The following KDM7A variants were observed in gnomAD, a reference collection of about 807,000 sequenced individuals.
KDM7A encodes lysine-specific demethylase 7A.
In KDM7A, 28 loss-of-function variants were observed where a neutral mutation model predicts 114.8. That is an observed-to-expected ratio of 0.24 (90% CI 0.18 to 0.33). The LOEUF is 0.33. KDM7A is among the 10% of genes least tolerant of loss of function. KDM7A has a pLI of 1.00. For missense variants in KDM7A, 942 were observed against 1,142.5 expected (o/e 0.82, Z 2.53); for synonymous variants, 423 against 397.8 (o/e 1.06, Z -0.75).
At chr7:140,130,827 C>T (rs17133484) in intron 3 of KDM7A, among the ~76,000 whole-genome samples, 3,067 of 148,542 alleles carry the variant, frequency 0.021, 112 homozygotes, top group African/African-American at 0.074. Flanking sequence ...TTAAATGACC[C>T]GTTACAACCA....
intron 1 of KDM7A, among the ~76,000 whole-genome samples, chr7:140,159,026 TTTTG>T (rs967101713): frequency 4.2e-4 from 64 of 152,286 alleles, no homozygotes; most frequent in African/African-American, 1.2e-3. Context: ...GAAAAGGGTT[TTTTG>T]TTTGTTTGTT....
chr7:140,103,734 A>C (rs1341052827), intron 11 of KDM7A, among the ~76,000 whole-genome samples: 8 of 152,168 alleles, frequency 5.3e-5, no homozygotes, highest in Admixed American at 1.3e-4. Context: ...GGTTGGTTCC[A>C]AGTCTTTGCT....
At chr7:140,161,699 C>T (rs1056069123) in intron 1 of KDM7A, among the ~76,000 whole-genome samples, 4 of 151,980 alleles carry the variant, frequency 2.6e-5, no homozygotes, top group African/African-American at 9.7e-5. Flanking sequence ...CGTGTGCCAC[C>T]ACGCCCAGCT....
At chr7:140,175,370 G>A (rs571103870) in intron 1 of KDM7A, among the ~76,000 whole-genome samples, 4 of 150,576 alleles carry the variant, frequency 2.7e-5, no homozygotes, top group Admixed American at 6.6e-5. Context: ...AATTGGGGAG[G>A]GGGGGAGCGG....
chr7:140,142,497 A>C (rs1442858303), intron 1 of KDM7A, among the ~76,000 whole-genome samples: 1 of 152,196 alleles, frequency 6.6e-6, no homozygotes, highest in African/African-American at 2.4e-5. Flanking sequence ...AAGTGGTTGA[A>C]TCACACATAA....
Position 140,088,217 on chromosome 7 carries a change from C to G in KDM7A, c.*2877G>C, listed in dbSNP as rs1474710063. On this transcript the variant is annotated 3_prime_UTR_variant, in exon 20 of 20. Coordinates refer to ENST00000397560, the MANE Select transcript of KDM7A (RefSeq NM_030647.2). ...GATACTTATGAAGTTCAATGTATTT[C>G]TAGGATACTGAACTACTACAAACTG... The G allele has an allele frequency of 3.3e-6, 1 of 302,632 alleles. No homozygotes were observed. Among genetic ancestry groups the G allele is most frequent in the Non-Finnish European group, 6.0e-6 (1 of 166,118 alleles). 18.7% of individuals were successfully genotyped at this position (302,632 alleles called of 1,614,324 possible).
At chr7:140,123,232 GT>G (rs1818643640) in intron 7 of KDM7A, among the ~76,000 whole-genome samples, 1 of 152,184 alleles carries the variant, frequency 6.6e-6, no homozygotes. Context: ...TACACTGCTG[GT>G]GGTAACGTAA....
chr7:140,096,234 T>C (rs1041215940), intron 17 of KDM7A, among the ~76,000 whole-genome samples: 3 of 152,204 alleles, frequency 2.0e-5, no homozygotes, highest in Non-Finnish European at 2.9e-5. Flanking sequence ...TCAAGCTTAG[T>C]TGGCCATTTA....
At chr7:140,143,291 CTT>C (rs1794306215) in intron 1 of KDM7A, among the ~76,000 whole-genome samples, 1 of 151,530 alleles carries the variant, frequency 6.6e-6, no homozygotes, top group Admixed American at 6.6e-5. Context: ...ATAAAACTAT[CTT>C]AAAAAAACAA....
chr7:140,172,627 TG>T (rs1794658634), intron 1 of KDM7A, among the ~76,000 whole-genome samples: 1 of 151,744 alleles, frequency 6.6e-6, no homozygotes, highest in African/African-American at 2.4e-5. Flanking sequence ...CACTCCAGCC[TG>T]GGCGACAGAG....
intron 3 of KDM7A, among the ~76,000 whole-genome samples, chr7:140,131,455 G>A (rs1207874326): frequency 6.6e-6 from 1 of 152,166 alleles, no homozygotes; most frequent in African/African-American, 2.4e-5. Flanking sequence ...TGCCTAGGTA[G>A]CAAGAAGACA....
chr7:140,100,679 T>TATATATATATATATATATATATAC (rs1192609907), intron 12 of KDM7A, among the ~76,000 whole-genome samples: 71 of 63,982 alleles, frequency 1.1e-3, no homozygotes, highest in South Asian at 2.8e-3. Flanking sequence ...TATATATATA[T>TATATATATATATATATATATATAC]ACATATATAC....
intron 11 of KDM7A, among the ~76,000 whole-genome samples, chr7:140,105,098 T>C (rs915701220): frequency 3.9e-5 from 6 of 152,176 alleles, no homozygotes; most frequent in Non-Finnish European, 7.4e-5. Context: ...TTGTCTGTTA[T>C]TGGTGTATAG....
intron 1 of KDM7A, among the ~76,000 whole-genome samples, chr7:140,140,549 GTGGA>G (rs974125243): frequency 6.6e-6 from 1 of 152,110 alleles, no homozygotes; most frequent in Non-Finnish European, 1.5e-5. Flanking sequence ...GCCGAGGCGG[GTGGA>G]TCACGAGATC....
At chr7:140,169,849 G>A (rs1794618962) in intron 1 of KDM7A, among the ~76,000 whole-genome samples, 1 of 152,158 alleles carries the variant, frequency 6.6e-6, no homozygotes, top group African/African-American at 2.4e-5. Context: ...AAGCTTATGA[G>A]AGAACTATGT....
intron 5 of KDM7A, 62 bp from the exon 6 acceptor site, chr7:140,126,885 G>T (rs1017003042): frequency 7.9e-7 from 1 of 1,266,128 alleles, no homozygotes; most frequent in Non-Finnish European, 1.1e-6. Context: ...CTTAAGAATT[G>T]TTTTTCTCAT....
intron 18 of KDM7A, among the ~76,000 whole-genome samples, chr7:140,093,278 A>C (rs1459588517): frequency 6.6e-6 from 1 of 152,140 alleles, no homozygotes; most frequent in Non-Finnish European, 1.5e-5. Flanking sequence ...GTGCCATGTG[A>C]AAGCTTTATT....
At position 140,133,671 on chromosome 7, in the gene KDM7A, G is replaced by C. The variant is rs1381366602; in HGVS notation, c.281-15C>G. 1 of 1,420,228 alleles carries C rather than the reference G, an allele frequency of 7.0e-7. No individual in the cohort carries two copies. 88.0% of individuals were successfully genotyped at this position (1,420,228 alleles called of 1,614,324 possible). On this transcript the variant is annotated splice_polypyrimidine_tract_variant and intron_variant, in intron 2 of 19. Transcript: ENST00000397560. ...CCTTTTTTTCACTGGATTTTTAAAA[G>C]ATTAAAAAAAAATGATTTTGGTAAC...
intron 11 of KDM7A, among the ~76,000 whole-genome samples, chr7:140,103,206 T>G (rs1412203363): frequency 2.0e-5 from 3 of 152,186 alleles, no homozygotes; most frequent in Non-Finnish European, 4.4e-5. Context: ...GAACCTCATA[T>G]AAGTGGAATT....
Sources: gnomAD v4.1 joint callset for allele counts (sites outside exome capture counted in the v4.1 genomes callset) on GRCh38, gnomAD v4.1.1 for gene constraint, MANE v1.5 for transcripts, NCBI Gene and HGNC (gene_info 2026-07-23, HGNC 2026-07-21) for gene names.